CTDSPL: variants seen among roughly 807,000 people sequenced by gnomAD.
The protein encoded by CTDSPL is CTD small phosphatase-like protein.
In CTDSPL, 8 loss-of-function variants were observed where a neutral mutation model predicts 30.5. That is an observed-to-expected ratio of 0.26 (90% CI 0.15 to 0.47). CTDSPL has a LOEUF of 0.47. CTDSPL is among the 20% of genes least tolerant of loss of function. The pLI, the probability that CTDSPL is intolerant of heterozygous loss-of-function variation, is 0.99. For synonymous variants in CTDSPL, 110 were observed against 137.9 expected, an observed-to-expected ratio of 0.80 and a Z score of 1.42; for missense variants, 248 against 366.1, an observed-to-expected ratio of 0.68 and a Z score of 2.63.
intron 3 of CTDSPL, 44 bp downstream of exon 3, chr3:37,957,187 A>G (rs1382207344): frequency 7.1e-7 from 1 of 1,416,268 alleles, no homozygotes; most frequent in South Asian, 1.3e-5. Context: ...CAGTCATAAA[A>G]TCTTGTGGCT....
intron 1 of CTDSPL, among the ~76,000 whole-genome samples, chr3:37,940,964 T>C (rs1698971132): frequency 6.7e-6 from 1 of 150,344 alleles, no homozygotes; most frequent in African/African-American, 2.4e-5. Context: ...CAGTTGTCTA[T>C]ATGTGTACTT....
chr3:37,949,748 G>C (rs1242453966), intron 2 of CTDSPL, among the ~76,000 whole-genome samples: 1 of 152,200 alleles, frequency 6.6e-6, no homozygotes, highest in African/African-American at 2.4e-5. Flanking sequence ...GTATAGAAGG[G>C]AATTCTGGGA....
chr3:37,943,718 C>T (rs1173428109), intron 1 of CTDSPL, among the ~76,000 whole-genome samples: 2 of 149,998 alleles, frequency 1.3e-5, no homozygotes, highest in Non-Finnish European at 3.0e-5. Flanking sequence ...TCAGTGGAAA[C>T]GTAAAGGGGG....
intron 1 of CTDSPL, among the ~76,000 whole-genome samples, chr3:37,936,656 TAAA>T (rs577097327): frequency 0.013 from 1,219 of 94,726 alleles, 26 homozygotes; most frequent in African/African-American, 0.047. Flanking sequence ...TCTCCCCAGT[TAAA>T]AAAAAAAAAA....
At chr3:37,934,904 G>T (rs1007441712) in intron 1 of CTDSPL, among the ~76,000 whole-genome samples, 1 of 152,120 alleles carries the variant, frequency 6.6e-6, no homozygotes, top group Non-Finnish European at 1.5e-5. Flanking sequence ...GGTCCTAGGG[G>T]ACTCAGATAT....
chr3:37,972,620 C>T (rs1442858276), intron 6 of CTDSPL, among the ~76,000 whole-genome samples: 1 of 152,224 alleles, frequency 6.6e-6, no homozygotes, highest in Admixed American at 6.5e-5. Flanking sequence ...TTGTCCTCTC[C>T]ACTGTTTAAG....
intron 2 of CTDSPL, among the ~76,000 whole-genome samples, chr3:37,948,796 TTTTCCAGC>T (rs1699071985): frequency 6.6e-6 from 1 of 150,494 alleles, no homozygotes; most frequent in Admixed American, 6.6e-5. Context: ...TGAGAGACCA[TTTTCCAGC>T]TTTCTTTTTT....
chr3:37,948,329 C>T (rs180941182), intron 2 of CTDSPL, among the ~76,000 whole-genome samples: 34 of 151,756 alleles, frequency 2.2e-4, no homozygotes, highest in African/African-American at 7.7e-4. Context: ...TAAGGATGAG[C>T]GAAGAGACCT....
At chr3:37,909,120 CT>C (rs1439578415) in intron 1 of CTDSPL, among the ~76,000 whole-genome samples, 1 of 152,088 alleles carries the variant, frequency 6.6e-6, no homozygotes, top group East Asian at 1.9e-4. Context: ...TGAAGATACC[CT>C]TTTGGCTAAA....
At position 37,975,659 on chromosome 3, in the gene CTDSPL, T is replaced by TG; in HGVS notation, c.520-44dup. ...GATCTTGCTGCTGTAGTTCAGGGTT[T>TG]GGGGGGCTCTTTTAAACACCCAGCC... On this transcript the variant is annotated intron_variant, in intron 6 of 7. Coordinates refer to ENST00000273179, the MANE Select transcript of CTDSPL (RefSeq NM_001008392.2). The surrounding 1 kb of genome is among the most constrained non-coding windows in gnomAD (Gnocchi z 4.9). 6.6e-7 allele frequency: 1 copy of TG among 1,523,798 alleles called. No individual in the cohort carries two copies. The highest frequency in any genetic ancestry group is 1.2e-5 in the South Asian group (1 of 81,330). 94.4% of individuals were successfully genotyped at this position (1,523,798 alleles called of 1,614,324 possible).
intron 1 of CTDSPL, among the ~76,000 whole-genome samples, chr3:37,903,552 G>A (rs1698476512): frequency 6.6e-6 from 1 of 152,162 alleles, no homozygotes; most frequent in Non-Finnish European, 1.5e-5. Flanking sequence ...CCTCAGTAGT[G>A]GCTTTAGGTT....
intron 2 of CTDSPL, 91 bp from the exon 3 acceptor site, chr3:37,957,020 G>T: frequency 9.8e-7 from 1 of 1,020,032 alleles, no homozygotes; most frequent in East Asian, 2.4e-5. Flanking sequence ...AGATCATGCA[G>T]CTGCTGTGCT....
chr3:37,884,840 C>T (rs1479561018), intron 1 of CTDSPL, among the ~76,000 whole-genome samples: 1 of 150,232 alleles, frequency 6.7e-6, no homozygotes. Flanking sequence ...TTGGTGAAAT[C>T]AGAGGTAAGA....
chr3:37,923,670 T>C (rs1698746283), intron 1 of CTDSPL, among the ~76,000 whole-genome samples: 1 of 152,212 alleles, frequency 6.6e-6, no homozygotes, highest in Non-Finnish European at 1.5e-5. Flanking sequence ...TTGTGGGAAT[T>C]CAAATTGTAC....
At chr3:37,919,569 G>C (rs1173129316) in intron 1 of CTDSPL, among the ~76,000 whole-genome samples, 1 of 152,212 alleles carries the variant, frequency 6.6e-6, no homozygotes, top group Admixed American at 6.5e-5. Context: ...TTACTTAATA[G>C]TAGTAGGAGT....
At chr3:37,954,025 G>T (rs1283924463) in intron 2 of CTDSPL, among the ~76,000 whole-genome samples, 1 of 152,180 alleles carries the variant, frequency 6.6e-6, no homozygotes, top group Non-Finnish European at 1.5e-5. Context: ...GCTGTTTCTG[G>T]ATAGAAAGGC....
intron 1 of CTDSPL, among the ~76,000 whole-genome samples, chr3:37,933,770 A>G (rs1346342426): frequency 1.3e-5 from 2 of 152,266 alleles, no homozygotes; most frequent in Non-Finnish European, 2.9e-5. Flanking sequence ...CACATTTTAC[A>G]TAATTATTAA....
At chr3:37,920,378 C>T (rs747210733) in intron 1 of CTDSPL, among the ~76,000 whole-genome samples, 6 of 152,232 alleles carry the variant, frequency 3.9e-5, no homozygotes, top group Non-Finnish European at 8.8e-5. Context: ...GTTGACTTGT[C>T]TGGTGCTGGA....
intron 1 of CTDSPL, among the ~76,000 whole-genome samples, chr3:37,870,036 G>GT (rs1246780244): frequency 6.6e-6 from 1 of 151,908 alleles, no homozygotes; most frequent in East Asian, 1.9e-4. Flanking sequence ...TTTTTTGTCT[G>GT]TAAGTGATGT....
Sources: gnomAD v4.1 joint callset for allele counts (sites outside exome capture counted in the v4.1 genomes callset) on GRCh38, gnomAD v4.1.1 for gene constraint, Gnocchi (gnomAD v3.1) non-coding constraint, MANE v1.5 for transcripts, NCBI Gene and HGNC (gene_info 2026-07-23, HGNC 2026-07-21) for gene names.